PALM2AKAP2: variants seen among roughly 807,000 people sequenced by gnomAD.
The protein encoded by PALM2AKAP2 is PALM2-AKAP2 fusion protein.
In PALM2AKAP2, 37 loss-of-function variants were observed where a neutral mutation model predicts 71.5. The ratio of observed to expected loss-of-function variants is 0.52; its 90% CI spans 0.40 to 0.68. PALM2AKAP2 has a LOEUF of 0.68. PALM2AKAP2 is among the 30% of genes least tolerant of loss of function. PALM2AKAP2 has a pLI of 0.00. For synonymous variants in PALM2AKAP2, 468 were observed against 478.8 expected, an observed-to-expected ratio of 0.98 and a Z score of 0.29; for missense variants, 1,224 against 1,191.8, an observed-to-expected ratio of 1.03 and a Z score of -0.40.
At chr9:110,072,797 T>G (rs1279362387) in intron 1 of PALM2AKAP2, among the ~76,000 whole-genome samples, 1 of 152,194 alleles carries the variant, frequency 6.6e-6, no homozygotes, top group Non-Finnish European at 1.5e-5. Context: ...CTCTGTGGGC[T>G]GGCATTCTTG....
At chr9:110,164,220 A>C (rs549554301) in intron 3 of PALM2AKAP2, among the ~76,000 whole-genome samples, 30 of 152,200 alleles carry the variant, frequency 2.0e-4, no homozygotes, top group Non-Finnish European at 3.8e-4. Flanking sequence ...ATCTGGTCAA[A>C]TATATCCAAG....
At chr9:110,087,096 C>T (rs1467165128) in intron 1 of PALM2AKAP2, among the ~76,000 whole-genome samples, 14 of 152,196 alleles carry the variant, frequency 9.2e-5, no homozygotes, top group Admixed American at 8.5e-4. Flanking sequence ...TCACATCTCC[C>T]TGTCACACCC....
At chr9:110,058,289 G>A (rs768698425) in intron 1 of PALM2AKAP2, among the ~76,000 whole-genome samples, 1 of 152,086 alleles carries the variant, frequency 6.6e-6, no homozygotes, top group Admixed American at 6.6e-5. Flanking sequence ...TTAAACTGAA[G>A]CATGAAAGAT....
chr9:109,760,797 G>A (rs1409501523), intron 1 of PALM2AKAP2, among the ~76,000 whole-genome samples: 1 of 152,148 alleles, frequency 6.6e-6, no homozygotes, highest in Non-Finnish European at 1.5e-5. Context: ...GATCCTTAGA[G>A]TACAAATGCA....
intron 1 of PALM2AKAP2, among the ~76,000 whole-genome samples, chr9:109,841,319 G>A (rs2131584285): frequency 7.4e-6 from 1 of 134,360 alleles, no homozygotes; most frequent in South Asian, 2.6e-4. Flanking sequence ...TGAACAATGA[G>A]AACACTTGGA....
intron 3 of PALM2AKAP2, among the ~76,000 whole-genome samples, chr9:109,884,691 A>G (rs1224623679): frequency 1.3e-5 from 2 of 152,190 alleles, no homozygotes; most frequent in Non-Finnish European, 2.9e-5. Context: ...GTAGATCTTT[A>G]GATTTGGGCC....
chr9:109,873,394 C>T (rs1829649589), intron 2 of PALM2AKAP2, among the ~76,000 whole-genome samples: 1 of 151,718 alleles, frequency 6.6e-6, no homozygotes, highest in African/African-American at 2.4e-5. Context: ...CAAGATCACA[C>T]CACTACACTC....
At chr9:109,676,979 T>C (rs987494517) in intron 1 of PALM2AKAP2, among the ~76,000 whole-genome samples, 12 of 152,084 alleles carry the variant, frequency 7.9e-5, no homozygotes, top group African/African-American at 2.2e-4. Context: ...ATGGTGGAGG[T>C]AGGAGAGATT....
intron 1 of PALM2AKAP2, among the ~76,000 whole-genome samples, chr9:109,721,774 C>A (rs765638394): frequency 6.6e-6 from 1 of 152,198 alleles, no homozygotes; most frequent in African/African-American, 2.4e-5. Context: ...GGAAAGTAGT[C>A]TTTGGGTGAA....
At chr9:109,930,398 G>C (rs987967007) in intron 5 of PALM2AKAP2, among the ~76,000 whole-genome samples, 1 of 152,052 alleles carries the variant, frequency 6.6e-6, no homozygotes, top group African/African-American at 2.4e-5. Flanking sequence ...GCTAATTTTT[G>C]TATTTTTAGT....
chr9:109,879,545 T>C (rs1829799274), intron 2 of PALM2AKAP2, among the ~76,000 whole-genome samples: 3 of 152,180 alleles, frequency 2.0e-5, no homozygotes, highest in Non-Finnish European at 4.4e-5. Flanking sequence ...CTCCTTGCTC[T>C]TCCTTTTAGG....
intron 1 of PALM2AKAP2, among the ~76,000 whole-genome samples, chr9:109,762,864 G>A (rs752791240): frequency 2.5e-4 from 38 of 152,212 alleles, no homozygotes; most frequent in Non-Finnish European, 5.1e-4. Context: ...TCCCCAGGGG[G>A]TGGAGGGGAG....
intron 1 of PALM2AKAP2, among the ~76,000 whole-genome samples, chr9:110,081,445 T>G (rs746571794): frequency 2.0e-5 from 3 of 152,186 alleles, no homozygotes; most frequent in Non-Finnish European, 2.9e-5. Context: ...AAACATAGAT[T>G]CCTTTTTTTA....
chr9:109,688,159 C>T (rs943734083), intron 1 of PALM2AKAP2, among the ~76,000 whole-genome samples: 3 of 152,088 alleles, frequency 2.0e-5, no homozygotes, highest in African/African-American at 4.8e-5. Flanking sequence ...GACCAAAATG[C>T]GACATAGAGA....
At position 109,755,128 on chromosome 9, in the gene PALM2AKAP2, C is replaced by T. The variant is rs145198556; in HGVS notation, c.6-25360C>T. On this transcript the variant is annotated intron_variant, in intron 1 of 6. Transcript: ENST00000374531. ...GGCCTTCTACCTGGTTTCCCTGCTT[C>T]CTCTCTCACTCACCCATCCCCACTC... Among the ~76,000 whole-genome samples the T allele has an allele frequency of 4.1e-3, 619 of 152,118 alleles. 4 individuals carry two copies. Among genetic ancestry groups the T allele is most frequent in the Middle Eastern group, 0.01 (3 of 294 alleles).
intron 1 of PALM2AKAP2, among the ~76,000 whole-genome samples, chr9:109,712,186 C>G (rs747940141): frequency 3.9e-5 from 6 of 152,074 alleles, no homozygotes; most frequent in Non-Finnish European, 7.4e-5. Context: ...GTCAGTATTA[C>G]CAGGAATTCT....
At chr9:109,936,766 A>T (rs1394278169) in intron 6 of PALM2AKAP2, among the ~76,000 whole-genome samples, 1 of 152,194 alleles carries the variant, frequency 6.6e-6, no homozygotes, top group African/African-American at 2.4e-5. Context: ...AAGCCCCAAA[A>T]TGGGGTGTGA....
intron 1 of PALM2AKAP2, among the ~76,000 whole-genome samples, chr9:109,814,798 C>A (rs1827811402): frequency 6.6e-6 from 1 of 152,118 alleles, no homozygotes; most frequent in Non-Finnish European, 1.5e-5. Flanking sequence ...ATAAGCAGTT[C>A]CCTGTAACTG....
chr9:109,969,506 G>A (rs1832024394), intron 6 of PALM2AKAP2, among the ~76,000 whole-genome samples: 1 of 152,200 alleles, frequency 6.6e-6, no homozygotes, highest in African/African-American at 2.4e-5. Context: ...AAGGCTGCTG[G>A]TCTGGCAGGC....
Sources: allele counts gnomAD v4.1 joint callset (sites outside exome capture counted in the v4.1 genomes callset), GRCh38; gene constraint gnomAD v4.1.1; transcripts MANE v1.5; gene names NCBI Gene and HGNC (gene_info 2026-07-23, HGNC 2026-07-21).